Variants in AFTPH observed in about 807,000 individuals in gnomAD.
AFTPH encodes aftiphilin protein.
A neutral mutation model predicts 72.5 loss-of-function variants in AFTPH; 7 were observed. The observed-to-expected ratio is 0.10, with a 90% CI of 0.05 to 0.18. AFTPH has a LOEUF of 0.18. Among genes scored for constraint, AFTPH ranks in the 10% least tolerant of loss-of-function variants. AFTPH has a pLI of 1.00. For synonymous variants in AFTPH, 337 were observed against 370.1 expected (o/e 0.91, Z 1.03); for missense variants, 979 against 1,060.5 (o/e 0.92, Z 1.07).
At chr2:64,526,578 T>C (rs2103786083) in intron 1 of AFTPH, among the ~76,000 whole-genome samples, 1 of 152,356 alleles carries the variant, frequency 6.6e-6, no homozygotes, top group South Asian at 2.1e-4. Context: ...CCTTTTTAAG[T>C]AGAATAGTGA....
intron 1 of AFTPH, among the ~76,000 whole-genome samples, chr2:64,537,398 C>T (rs534166347): frequency 2.6e-5 from 4 of 151,982 alleles, no homozygotes; most frequent in Non-Finnish European, 4.4e-5. Flanking sequence ...ATGTAACAAA[C>T]CTGCACATGT....
exon 2 of AFTPH, chr2:64,552,063 A>G (rs1671079776): frequency 6.2e-7 from 1 of 1,613,996 alleles, no homozygotes; most frequent in African/African-American, 1.3e-5. Context: ...TCCTCAGGGA[A>G]CAGATGATCT....
At chr2:64,557,160 C>A (rs1671427706) in intron 2 of AFTPH, among the ~76,000 whole-genome samples, 1 of 151,592 alleles carries the variant, frequency 6.6e-6, no homozygotes. Context: ...TTGAAATAAC[C>A]AAAATGCCTT....
intron 7 of AFTPH, among the ~76,000 whole-genome samples, chr2:64,582,638 C>T (rs1320354003): frequency 6.6e-6 from 1 of 152,102 alleles, no homozygotes; most frequent in African/African-American, 2.4e-5. Context: ...GTAGGAGGGA[C>T]AACCAAAAAC....
At chr2:64,552,346 C>T (rs748742884) in exon 2 of AFTPH, 4 of 1,613,940 alleles carry the variant, frequency 2.5e-6, no homozygotes, top group African/African-American at 2.7e-5. Flanking sequence ...AAAGGAGACA[C>T]TGATGGAGAG....
At chr2:64,572,868 T>C in intron 5 of AFTPH, 78 bp from the exon 6 acceptor site, 3 of 1,558,456 alleles carry the variant, frequency 1.9e-6, no homozygotes, top group South Asian at 2.4e-5. Context: ...TTTTTTACCT[T>C]CTTCTTTCTG....
intron 1 of AFTPH, among the ~76,000 whole-genome samples, chr2:64,547,496 G>T (rs574301563): frequency 3.0e-4 from 46 of 152,246 alleles, no homozygotes; most frequent in Admixed American, 7.2e-4. Flanking sequence ...GTAGTGTCAG[G>T]CTTCACACTG....
intron 6 of AFTPH, among the ~76,000 whole-genome samples, chr2:64,576,143 G>A (rs1672782679): frequency 1.7e-5 from 1 of 58,624 alleles, no homozygotes; most frequent in South Asian, 5.5e-4. Flanking sequence ...TGAAATACGT[G>A]TGTGTGTGTG....
In AFTPH at chr2:64,540,801, T is replaced by G. The variant is rs556887284; in HGVS notation, c.-32-10642T>G. On this transcript the variant is annotated intron_variant, in intron 1 of 8. Coordinates refer to ENST00000238856, the Ensembl canonical transcript of AFTPH. ...TGCTCATTTTCATTGTTTGCTCATA[T>G]TTTGTACTATATACACTAATACTGA... Among the ~76,000 whole-genome samples the G allele has an allele frequency of 3.9e-5, 6 of 152,272 alleles. No individual in the cohort carries two copies. In the East Asian group the frequency reaches 1.2e-3, roughly 29 times the overall value.
intron 5 of AFTPH, among the ~76,000 whole-genome samples, chr2:64,571,777 A>T (rs188312585): frequency 7.0e-4 from 106 of 152,190 alleles, no homozygotes; most frequent in Non-Finnish European, 1.1e-3. Context: ...AGCTTTTCAG[A>T]TATTATTTTA....
chr2:64,584,200 T>G (rs1673368604), intron 7 of AFTPH, among the ~76,000 whole-genome samples: 1 of 152,152 alleles, frequency 6.6e-6, no homozygotes, highest in African/African-American at 2.4e-5. Flanking sequence ...TTTTTTACTC[T>G]GAATATTATT....
chr2:64,567,690 G>A (rs1325202949), exon 3 of AFTPH: 2 of 1,613,314 alleles, frequency 1.2e-6, no homozygotes, highest in Non-Finnish European at 8.5e-7. Flanking sequence ...CAATAAAAAC[G>A]AGAGAGGCCT....
In AFTPH at chr2:64,576,018, C is replaced by T. The variant is rs146445323; in HGVS notation, c.2394+2950C>T. Among the ~76,000 whole-genome samples the T allele has an allele frequency of 2.4e-4, 36 of 150,212 alleles. No homozygotes were observed. In the East Asian group the frequency reaches 5.1e-3, roughly 21 times the overall value. On this transcript the variant is annotated intron_variant, in intron 6 of 8. Coordinates refer to ENST00000238856, the Ensembl canonical transcript of AFTPH. ...CCTCCCAAAGTGCTGGGATTACAGG[C>T]GTGAGACATCGCACCCGGCCTAGAA...
chr2:64,589,623 T>C (rs1673701693), intron 8 of AFTPH, among the ~76,000 whole-genome samples: 1 of 152,254 alleles, frequency 6.6e-6, no homozygotes, highest in East Asian at 1.9e-4. Flanking sequence ...TAATTTCATA[T>C]TGCCTCTGAA....
chr2:64,552,608 T>C (rs1004223598), exon 2 of AFTPH: 1 of 1,614,032 alleles, frequency 6.2e-7, no homozygotes, highest in African/African-American at 1.3e-5. Context: ...CTTCTGATGA[T>C]GAAGTTGGTT....
intron 2 of AFTPH, among the ~76,000 whole-genome samples, chr2:64,559,056 A>G (rs530949383): frequency 6.6e-6 from 1 of 152,360 alleles, no homozygotes; most frequent in East Asian, 1.9e-4. Flanking sequence ...TCTCATCAAC[A>G]TTACAACAAA....
chr2:64,576,051 C>T (rs1045574125), intron 6 of AFTPH, among the ~76,000 whole-genome samples: 1 of 145,452 alleles, frequency 6.9e-6, no homozygotes, highest in Non-Finnish European at 1.5e-5. Flanking sequence ...GAAAATATTT[C>T]TTACCACTCT....
At chr2:64,556,434 C>T (rs1003281333) in intron 2 of AFTPH, among the ~76,000 whole-genome samples, 2 of 152,138 alleles carry the variant, frequency 1.3e-5, no homozygotes, top group African/African-American at 2.4e-5. Flanking sequence ...TTTGACAGAA[C>T]GTGTTTTAGA....
intron 5 of AFTPH, among the ~76,000 whole-genome samples, chr2:64,570,563 T>C (rs1448538635): frequency 6.6e-6 from 1 of 152,242 alleles, no homozygotes; most frequent in Non-Finnish European, 1.5e-5. Flanking sequence ...TGTAAATGGT[T>C]ATCGTGTACT....
Sources: allele counts gnomAD v4.1 joint callset (sites outside exome capture counted in the v4.1 genomes callset), GRCh38; gene constraint gnomAD v4.1.1; transcripts MANE v1.5; gene names NCBI Gene and HGNC (gene_info 2026-07-23, HGNC 2026-07-21).